Variants in PHF21A observed in about 807,000 individuals in gnomAD.
The protein encoded by PHF21A is BHC80a.
Under a neutral mutation model 82.5 loss-of-function variants are expected in PHF21A, and 11 were observed. That is an observed-to-expected ratio of 0.13 (90% CI 0.08 to 0.22). The LOEUF (loss-of-function observed/expected upper bound fraction) is 0.22. Ranked by LOEUF, PHF21A falls within the 10% of genes least tolerant of loss-of-function variation. The probability of loss-of-function intolerance (pLI) is 1.00; values close to 1 mark genes in which losing one functional copy is unlikely to be tolerated. For missense variants in PHF21A, 579 were observed against 837.8 expected, an observed-to-expected ratio of 0.69 and a Z score of 3.81; for synonymous variants, 297 against 302.8, an observed-to-expected ratio of 0.98 and a Z score of 0.20.
intron 1 of PHF21A, among the ~76,000 whole-genome samples, chr11:46,104,845 A>G (rs1468287177): frequency 6.6e-6 from 1 of 152,188 alleles, no homozygotes; most frequent in African/African-American, 2.4e-5. Flanking sequence ...TCTTTATTGG[A>G]GTGAGCTTAA....
intron 6 of PHF21A, among the ~76,000 whole-genome samples, chr11:45,995,507 G>T (rs558086760): frequency 2.0e-5 from 3 of 152,298 alleles, no homozygotes; most frequent in South Asian, 2.1e-4. Context: ...GTTTATAAAA[G>T]ATCAGAGCAC....
chr11:46,000,652 T>C (rs1316423323), intron 6 of PHF21A, among the ~76,000 whole-genome samples: 1 of 152,124 alleles, frequency 6.6e-6, no homozygotes, highest in Non-Finnish European at 1.5e-5. Context: ...GGGCATGGTG[T>C]CTCACGTCTG....
Position 45,971,890 on chromosome 11 carries a change from C to CTTTCTTTT in PHF21A, c.361-524_361-523insAAAAGAAA, listed in dbSNP as rs57081937. ...GTAAAAGGACAGTGTCTTTTTCTTT[C>CTTTCTTTT]TTTTTTTTTTTTTTTATGGTGTCAC... On this transcript the variant is annotated intron_variant, in intron 7 of 18. Transcript: ENST00000676320. Among the ~76,000 whole-genome samples the CTTTCTTTT allele has an allele frequency of 7.4e-4, 37 of 50,292 alleles. 12 individuals are homozygous for CTTTCTTTT. Among genetic ancestry groups the CTTTCTTTT allele is most frequent in the East Asian group, 6.5e-3 (2 of 308 alleles). 33.0% of individuals were successfully genotyped at this position (50,292 alleles called of 152,430 possible).
rs139396631 is a variant in PHF21A, at chr11:46,088,435, C to A, written c.-84+2020G>T. 1.1e-3 allele frequency among the ~76,000 whole-genome samples: 162 copies of A among 152,022 alleles called. 1 individual carries two copies. The East Asian group carries it at 0.025, about 24-fold the overall frequency. On this transcript the variant is annotated intron_variant, in intron 3 of 18. Coordinates refer to ENST00000676320, the MANE Select transcript of PHF21A (RefSeq NM_001352027.3). ...ACAACAACAACAACAACAACAACAACAAAACATAAAAACCAAACACACAAA... is the reference window on the plus strand; with the variant it reads ...ACAACAACAACAACAACAACAACAAAAAAACATAAAAACCAAACACACAAA...
At chr11:46,005,981 G>T (rs1462463038) in intron 6 of PHF21A, among the ~76,000 whole-genome samples, 4 of 152,136 alleles carry the variant, frequency 2.6e-5, no homozygotes, top group African/African-American at 9.7e-5. Flanking sequence ...GCCTACAAAT[G>T]CCTGTGGAAA....
chr11:46,000,778 G>C (rs975364115), intron 6 of PHF21A, among the ~76,000 whole-genome samples: 1 of 152,022 alleles, frequency 6.6e-6, no homozygotes, highest in Non-Finnish European at 1.5e-5. Flanking sequence ...AAATTAGCCA[G>C]GTGTGGTGGT....
At chr11:46,082,956 C>T (rs1004597348) in intron 4 of PHF21A, among the ~76,000 whole-genome samples, 2 of 151,910 alleles carry the variant, frequency 1.3e-5, no homozygotes, top group African/African-American at 4.8e-5. Context: ...ATCCTTGATC[C>T]ACACAAATTT....
At chr11:46,071,147 G>A (rs1010102043) in intron 6 of PHF21A, among the ~76,000 whole-genome samples, 4 of 152,176 alleles carry the variant, frequency 2.6e-5, no homozygotes, top group East Asian at 1.9e-4. Flanking sequence ...TTGGCCATGT[G>A]GCTTCTTTTG....
chr11:45,974,571 A>G (rs1443247169), intron 7 of PHF21A, among the ~76,000 whole-genome samples: 2 of 151,658 alleles, frequency 1.3e-5, no homozygotes, highest in Non-Finnish European at 2.9e-5. Flanking sequence ...CTCCCATCTC[A>G]TTCTCCTGAG....
At chr11:46,009,036 G>A (rs1477158428) in intron 6 of PHF21A, among the ~76,000 whole-genome samples, 6 of 147,412 alleles carry the variant, frequency 4.1e-5, no homozygotes, top group East Asian at 2.0e-4. Flanking sequence ...GTGCAGTGGC[G>A]TGATCCCGGC....
In PHF21A at chr11:45,934,161, T is replaced by C; in HGVS notation, c.1853A>G (p.Lys618Arg). 3 of 1,614,124 alleles carry C rather than the reference T, an allele frequency of 1.9e-6. No individual in the cohort carries two copies. Among genetic ancestry groups the C allele is most frequent in the Non-Finnish European group, 2.5e-6 (3 of 1,180,000 alleles). ...RQKEMHSSLE[K>R]VKQLIRLIHG... Reference sequence around the variant, plus strand: ...GATGAGGCGAATCAGCTGTTTTACCTTCTCCAGGGAGCTGTGCATCTCCTT... The same window carrying C: ...GATGAGGCGAATCAGCTGTTTTACCCTCTCCAGGGAGCTGTGCATCTCCTT... The change falls in exon 19 of 19, where the codon AAG becomes AGG. Residue 618 changes from lysine (K) to arginine (R), a missense_variant. Physicochemically the swap from Lys to Arg is conservative, Grantham distance 26. Coordinates refer to ENST00000676320, the MANE Select transcript of PHF21A (RefSeq NM_001352027.3).
At chr11:46,026,273 A>G (rs1355350711) in intron 6 of PHF21A, among the ~76,000 whole-genome samples, 9 of 152,140 alleles carry the variant, frequency 5.9e-5, no homozygotes, top group Non-Finnish European at 1.5e-5. Context: ...GTGGCATGGG[A>G]TATGTTTTGT....
chr11:45,965,568 G>T lies in PHF21A; in HGVS notation c.743C>A (p.Ala248Asp). Reference protein sequence around the residue: ...KPVAQNNIPIAPAPPPMLAAP... With the variant: ...KPVAQNNIPIDPAPPPMLAAP... ...TGCGAGCATGGGAGGTGGTGCTGGG[G>T]CAATAGGAATGTTATTCTGGGCCAC... is the stretch of plus-strand genomic sequence containing the variant. Residue 248 changes from alanine (A) to aspartate (D), a missense_variant, in exon 10 of 19, where the codon GCC becomes GAC. Physicochemically the swap from Ala to Asp is moderately radical, Grantham distance 126 (BLOSUM62 -2). Coordinates refer to ENST00000676320, the MANE Select transcript of PHF21A (RefSeq NM_001352027.3). The T allele has an allele frequency of 6.3e-7, 1 of 1,577,446 alleles. No homozygotes were observed. The highest frequency in any genetic ancestry group is 8.6e-7 in the Non-Finnish European group (1 of 1,159,832).
chr11:46,073,094 C>T (rs1475117282), intron 6 of PHF21A, among the ~76,000 whole-genome samples: 1 of 151,904 alleles, frequency 6.6e-6, no homozygotes, highest in Non-Finnish European at 1.5e-5. Flanking sequence ...TTTGGGAGGC[C>T]GAGGTGGGAG....
intron 10 of PHF21A, among the ~76,000 whole-genome samples, chr11:45,964,833 T>G (rs1007734074): frequency 6.6e-6 from 1 of 152,214 alleles, no homozygotes; most frequent in African/African-American, 2.4e-5. Context: ...AAGAATGCTT[T>G]TTGGAAATTT....
chr11:45,940,198 C>CTT (rs111757512), intron 15 of PHF21A, among the ~76,000 whole-genome samples: 2 of 142,258 alleles, frequency 1.4e-5, no homozygotes, highest in Non-Finnish European at 3.1e-5. Flanking sequence ...TAATCTTTTT[C>CTT]TTTTTTTTTT....
chr11:46,070,793 T>C (rs1000541173), intron 6 of PHF21A, among the ~76,000 whole-genome samples: 1 of 152,224 alleles, frequency 6.6e-6, no homozygotes, highest in African/African-American at 2.4e-5. Flanking sequence ...AATACTACAA[T>C]AGACTTGTGC....
intron 6 of PHF21A, among the ~76,000 whole-genome samples, chr11:46,017,038 T>C (rs1203192387): frequency 6.6e-6 from 1 of 152,082 alleles, no homozygotes; most frequent in Non-Finnish European, 1.5e-5. Context: ...TGGCGTGATT[T>C]TGGCTCACTG....
At chr11:45,993,142 CAT>C (rs1396520848) in intron 6 of PHF21A, among the ~76,000 whole-genome samples, 5 of 152,104 alleles carry the variant, frequency 3.3e-5, no homozygotes, top group African/African-American at 1.2e-4. Flanking sequence ...ATTTAATTTA[CAT>C]GATTAAGAAA....
Sources: gnomAD v4.1 joint callset for allele counts (sites outside exome capture counted in the v4.1 genomes callset) on GRCh38, gnomAD v4.1.1 for gene constraint, MANE v1.5 for transcripts, NCBI Gene and HGNC (gene_info 2026-07-23, HGNC 2026-07-21) for gene names.